The following CUL5 variants were observed in gnomAD, a reference collection of about 807,000 sequenced individuals.
CUL5 encodes cullin-5.
CUL5 carries 26 observed loss-of-function variants against 108.8 expected under a neutral mutation model. The ratio of observed to expected loss-of-function variants is 0.24; its 90% confidence interval spans 0.18 to 0.33. The LOEUF is 0.33. Ranked by LOEUF, CUL5 falls within the 10% of genes least tolerant of loss-of-function variation. The probability of loss-of-function intolerance (pLI) is 1.00; values close to 1 mark genes in which losing one functional copy is unlikely to be tolerated. For synonymous variants in CUL5, 334 were observed against 298.0 expected (o/e 1.12, Z -1.25); for missense variants, 524 against 909.2 (o/e 0.58, Z 5.45).
At chr11:108,021,536 G>A (rs1188790630) in intron 1 of CUL5, among the ~76,000 whole-genome samples, 1 of 152,074 alleles carries the variant, frequency 6.6e-6, no homozygotes. Context: ...TCAGACTGGA[G>A]TGCAGTGGGA....
In CUL5 at chr11:108,036,302, C is replaced by T. The variant is rs188401361; in HGVS notation, c.134+2391C>T. Reference sequence around the variant, plus strand: ...ACTCAGAGAGTTTAAATTCCAGTCCCTTCAGCAGAAAAAAGCAAGAAATTT... The same window carrying T: ...ACTCAGAGAGTTTAAATTCCAGTCCTTTCAGCAGAAAAAAGCAAGAAATTT... On this transcript the variant is annotated intron_variant, in intron 2 of 18. Transcript: ENST00000393094. 1.7e-4 allele frequency among the ~76,000 whole-genome samples: 26 copies of T among 152,226 alleles called. 1 individual carries two copies. In the East Asian group the frequency reaches 1.7e-3, roughly 10 times the overall value.
chr11:108,085,317 G>A (rs918723315), intron 11 of CUL5, among the ~76,000 whole-genome samples: 2 of 151,994 alleles, frequency 1.3e-5, no homozygotes, highest in African/African-American at 4.8e-5. Flanking sequence ...ATTCAAATAA[G>A]CCAGACACAT....
At chr11:108,072,221 A>C (rs1051291765) in intron 8 of CUL5, 111 bp from the exon 9 acceptor site, 58 of 856,506 alleles carry the variant, frequency 6.8e-5, no homozygotes, top group Non-Finnish European at 4.6e-5. Flanking sequence ...AACTACTCCT[A>C]ATGGCATTGT....
At chr11:108,045,208 T>C (rs186256291) in intron 2 of CUL5, among the ~76,000 whole-genome samples, 32 of 152,374 alleles carry the variant, frequency 2.1e-4, no homozygotes, top group Non-Finnish European at 1.3e-4. Flanking sequence ...CTTTTGTTTT[T>C]GTTTTTTTGT....
At chr11:108,019,520 T>A (rs1351940607) in intron 1 of CUL5, among the ~76,000 whole-genome samples, 1 of 152,208 alleles carries the variant, frequency 6.6e-6, no homozygotes, top group East Asian at 1.9e-4. Flanking sequence ...ATAATGGTGG[T>A]CTTATAGGAT....
intron 12 of CUL5, among the ~76,000 whole-genome samples, chr11:108,089,099 CAA>C (rs1024277797): frequency 2.0e-4 from 30 of 149,720 alleles, no homozygotes; most frequent in Admixed American, 1.4e-3. Context: ...GGAATACAAA[CAA>C]GAAAAAAAAT....
intron 2 of CUL5, among the ~76,000 whole-genome samples, chr11:108,035,681 C>G (rs1056528641): frequency 6.6e-6 from 1 of 151,600 alleles, no homozygotes; most frequent in African/African-American, 2.4e-5. Context: ...AGATTGCTTG[C>G]TGCATTGAGG....
At chr11:108,067,927 CTTTTT>C (rs932040731) in intron 7 of CUL5, among the ~76,000 whole-genome samples, 1 of 149,064 alleles carries the variant, frequency 6.7e-6, no homozygotes, top group Non-Finnish European at 1.5e-5. Flanking sequence ...CTTTATTTTT[CTTTTT>C]TTTTTCCTTT....
At chr11:108,054,845 T>G in intron 6 of CUL5, 30 bp from the exon 7 acceptor site, 1 of 1,602,518 alleles carries the variant, frequency 6.2e-7, no homozygotes, top group Non-Finnish European at 8.5e-7. Flanking sequence ...TTGATATTCT[T>G]AAAATGATTG....
intron 11 of CUL5, among the ~76,000 whole-genome samples, chr11:108,087,571 TATAG>T (rs1864248134): frequency 1.3e-5 from 2 of 152,104 alleles, no homozygotes; most frequent in African/African-American, 4.8e-5. Flanking sequence ...GCCTGGACAA[TATAG>T]ATAGTGAGAC....
At chr11:108,050,678 C>G (rs1863193848) in intron 4 of CUL5, among the ~76,000 whole-genome samples, 1 of 152,150 alleles carries the variant, frequency 6.6e-6, no homozygotes, top group Non-Finnish European at 1.5e-5. Context: ...TATACCCTTA[C>G]TAGAAATTAA....
chr11:108,073,516 A>ACCT lies in CUL5; in HGVS notation c.1113+19_1113+20insCCT. The ACCT allele has an allele frequency of 8.6e-7, 1 of 1,156,458 alleles. No homozygotes were observed. The highest frequency in any genetic ancestry group is 1.2e-6 in the Non-Finnish European group (1 of 815,080). 71.6% of individuals were successfully genotyped at this position (1,156,458 alleles called of 1,614,324 possible). ...AGATAAGGTATATATTCCTATATAT[A>ACCT]TAAAAAACACTTTTAAAAGTTTTAT... On this transcript the variant is annotated intron_variant, in intron 10 of 18. Coordinates refer to ENST00000393094, the MANE Select transcript of CUL5 (RefSeq NM_003478.6).
Position 108,097,515 on chromosome 11 carries a change from C to T in CUL5, c.1906-121C>T, listed in dbSNP as rs1864531091. 4.6e-5 allele frequency: 28 copies of T among 607,424 alleles called. No homozygotes were observed. The South Asian group carries it at 6.0e-4, about 13-fold the overall frequency. 37.6% of individuals were successfully genotyped at this position (607,424 alleles called of 1,614,324 possible). ...TTCAAATGTTATATTCATGGAAGTA[C>T]CACACATTTTAAGTTTGTGTTTGTA... On this transcript the variant is annotated intron_variant, in intron 16 of 18. Coordinates refer to ENST00000393094, the MANE Select transcript of CUL5 (RefSeq NM_003478.6).
At chr11:108,040,506 G>T (rs1565241398) in intron 2 of CUL5, among the ~76,000 whole-genome samples, 2 of 151,318 alleles carry the variant, frequency 1.3e-5, no homozygotes, top group Non-Finnish European at 1.5e-5. Context: ...CAGCTACTTG[G>T]CCAGCTGAGG....
At chr11:108,079,386 G>T (rs1367172766) in intron 11 of CUL5, among the ~76,000 whole-genome samples, 1 of 152,226 alleles carries the variant, frequency 6.6e-6, no homozygotes, top group South Asian at 2.1e-4. Flanking sequence ...GATTACAGGC[G>T]TGAGCCACCG....
At chr11:108,027,219 C>T (rs1384623583) in intron 1 of CUL5, among the ~76,000 whole-genome samples, 1 of 150,834 alleles carries the variant, frequency 6.6e-6, no homozygotes, top group Non-Finnish European at 1.5e-5. Flanking sequence ...CTCACTGCAA[C>T]CTCCGCCTCC....
chr11:108,091,406 C>G (rs1046532802), intron 13 of CUL5, among the ~76,000 whole-genome samples: 1 of 151,648 alleles, frequency 6.6e-6, no homozygotes, highest in South Asian at 2.1e-4. Context: ...AAATGACAAA[C>G]AAGGCTAGGC....
At chr11:108,088,470 A>G in intron 11 of CUL5, 57 bp from the exon 12 acceptor site, 1 of 1,527,254 alleles carries the variant, frequency 6.5e-7, no homozygotes, top group Non-Finnish European at 8.8e-7. Context: ...ACTTTAGAAA[A>G]AAATAATTGC....
At chr11:108,070,753 T>C (rs1863801738) in intron 8 of CUL5, among the ~76,000 whole-genome samples, 1 of 152,228 alleles carries the variant, frequency 6.6e-6, no homozygotes, top group African/African-American at 2.4e-5. Context: ...ATTTTTTTGC[T>C]TTTGTTTTTT....
Sources: gnomAD v4.1 joint callset for allele counts (sites outside exome capture counted in the v4.1 genomes callset) on GRCh38, gnomAD v4.1.1 for gene constraint, MANE v1.5 for transcripts, NCBI Gene and HGNC (gene_info 2026-07-23, HGNC 2026-07-21) for gene names.